FAM53B: variants seen among roughly 807,000 people sequenced by gnomAD.
The protein encoded by FAM53B is protein FAM53B.
FAM53B carries 12 observed loss-of-function variants against 32.7 expected under a neutral mutation model. That is an observed-to-expected ratio of 0.37 (90% confidence interval 0.24 to 0.59). FAM53B has a LOEUF of 0.59. FAM53B is among the 20% of genes least tolerant of loss of function. FAM53B has a pLI of 0.72. For synonymous variants in FAM53B, 234 were observed against 228.7 expected (o/e 1.02, Z -0.21); for missense variants, 477 against 577.7 (o/e 0.83, Z 1.79).
chr10:124,627,321 TC>T (rs1315023188), intron 4 of FAM53B, among the ~76,000 whole-genome samples: 1 of 151,790 alleles, frequency 6.6e-6, no homozygotes, highest in African/African-American at 2.4e-5. Context: ...CGCCCCAGAG[TC>T]TCCTAGCAGC....
intron 4 of FAM53B, among the ~76,000 whole-genome samples, chr10:124,675,280 A>G (rs1478832621): frequency 6.6e-6 from 1 of 152,206 alleles, no homozygotes; most frequent in African/African-American, 2.4e-5. Flanking sequence ...AGGGAGGGAA[A>G]GGAAGGAAGG....
intron 3 of FAM53B, among the ~76,000 whole-genome samples, chr10:124,683,388 C>T (rs4962683): frequency 0.27 from 40,940 of 152,108 alleles, 6,397 homozygotes; most frequent in South Asian, 0.38. Flanking sequence ...ACTATTTTCT[C>T]GAGCCTATAT....
intron 1 of FAM53B, among the ~76,000 whole-genome samples, chr10:124,726,619 T>A (rs945349841): frequency 2.0e-5 from 3 of 152,142 alleles, no homozygotes; most frequent in African/African-American, 7.2e-5. Flanking sequence ...GACTATGCGG[T>A]GAAATACGTG....
chr10:124,665,024 C>G (rs1290595780), intron 4 of FAM53B, among the ~76,000 whole-genome samples: 1 of 152,224 alleles, frequency 6.6e-6, no homozygotes, highest in Non-Finnish European at 1.5e-5. Context: ...AGGGAGAACC[C>G]ACCTGACTGG....
chr10:124,660,183 G>A (rs967390144), intron 4 of FAM53B, among the ~76,000 whole-genome samples: 11 of 152,148 alleles, frequency 7.2e-5, no homozygotes, highest in Admixed American at 2.0e-4. Flanking sequence ...TTTGGGTTTC[G>A]TTCCACCATA....
At chr10:124,704,733 T>C (rs1422755479) in intron 2 of FAM53B, among the ~76,000 whole-genome samples, 6 of 152,196 alleles carry the variant, frequency 3.9e-5, no homozygotes, top group Non-Finnish European at 7.4e-5. Flanking sequence ...GCTGGGTGTT[T>C]GCTAAGCATT....
chr10:124,623,907 T>C, intron 4 of FAM53B: 1 of 361,028 alleles, frequency 2.8e-6, no homozygotes, highest in South Asian at 5.9e-5. Flanking sequence ...GGAATGCTCC[T>C]AACACTTCGT....
At chr10:124,723,428 T>C (rs1950082235) in intron 1 of FAM53B, among the ~76,000 whole-genome samples, 1 of 152,190 alleles carries the variant, frequency 6.6e-6, no homozygotes, top group Non-Finnish European at 1.5e-5. Context: ...GCTCAAAAGT[T>C]TTCTGGGTTC....
At chr10:124,737,200 A>G (rs1950178124) in intron 1 of FAM53B, among the ~76,000 whole-genome samples, 1 of 152,200 alleles carries the variant, frequency 6.6e-6, no homozygotes, top group African/African-American at 2.4e-5. Context: ...CCTGAGAAAA[A>G]TAGCAATTCT....
chr10:124,707,773 G>A (rs1263097371), intron 1 of FAM53B: 2 of 152,122 alleles, frequency 1.3e-5, no homozygotes, highest in African/African-American at 4.8e-5. Flanking sequence ...ATACATTTCT[G>A]GTCCTTGGAA....
At chr10:124,677,123 A>G (rs924743908) in intron 4 of FAM53B, among the ~76,000 whole-genome samples, 1 of 152,290 alleles carries the variant, frequency 6.6e-6, no homozygotes, top group East Asian at 1.9e-4. Context: ...CAATGGGTGA[A>G]CTTTTTAATT....
chr10:124,714,340 C>G (rs982030121), intron 1 of FAM53B: 1 of 152,046 alleles, frequency 6.6e-6, no homozygotes, highest in South Asian at 2.1e-4. Context: ...CACGAATGTG[C>G]AGCTTCTATA....
At chr10:124,688,873 T>C (rs1949817088) in intron 3 of FAM53B, among the ~76,000 whole-genome samples, 1 of 152,210 alleles carries the variant, frequency 6.6e-6, no homozygotes, top group Non-Finnish European at 1.5e-5. Flanking sequence ...TAAACCTTCA[T>C]ATTTTCAAAA....
Position 124,705,864 on chromosome 10 carries a change from G to A in FAM53B, c.78+772C>T, listed in dbSNP as rs536402680. Among the ~76,000 whole-genome samples, 6 of 152,392 alleles carry A rather than the reference G, an allele frequency of 3.9e-5. No homozygotes were observed. In the South Asian group the frequency reaches 8.3e-4, roughly 21 times the overall value. ...TCACGAGGAGCCGTGAAGGGCGCCA[G>A]GAGGGGTCCTGGGCAAGGTGACCCT... is the stretch of plus-strand genomic sequence containing the variant. On this transcript the variant is annotated intron_variant, in intron 2 of 4. Coordinates refer to ENST00000337318, the MANE Select transcript of FAM53B (RefSeq NM_014661.4).
chr10:124,698,534 G>A (rs1949890851), intron 2 of FAM53B, among the ~76,000 whole-genome samples: 1 of 152,140 alleles, frequency 6.6e-6, no homozygotes, highest in Non-Finnish European at 1.5e-5. Flanking sequence ...AGGCAGCACT[G>A]GGCCAGCACA....
chr10:124,682,348 T>C lies in FAM53B; in HGVS notation c.165A>G (p.Lys55=), dbSNP rs1387042107. Residue 55 remains lysine (K), a synonymous_variant, in exon 4 of 5, where the codon AAA becomes AAG. Coordinates refer to ENST00000337318, the MANE Select transcript of FAM53B (RefSeq NM_014661.4). This position sits in a 1 kb window ranked among gnomAD's most constrained non-coding sequence, Gnocchi z 5.2. ...ENDRWRDLDR[K]CPLQIDQPST... The stretch of plus-strand genomic sequence containing the variant: ...TCGGTTGGTCAATCTGAAGAGGGCA[T>C]TTCCTGTCCAGGTCTCGCCATCTGT... 3.7e-6 allele frequency: 6 copies of C among 1,608,748 alleles called. No homozygotes were observed. In the African/African-American group the frequency reaches 6.7e-5, roughly 18 times the overall value.
intron 4 of FAM53B, 36 bp downstream of exon 4, chr10:124,681,571 A>G (rs768021139): frequency 2.0e-6 from 3 of 1,517,290 alleles, no homozygotes; most frequent in Admixed American, 4.1e-5. Context: ...GGCTCCAGTG[A>G]GCACCAAGGT....
chr10:124,728,161 G>A (rs143586343), intron 1 of FAM53B, among the ~76,000 whole-genome samples: 72 of 152,318 alleles, frequency 4.7e-4, no homozygotes, highest in Non-Finnish European at 8.5e-4. Flanking sequence ...TGGCTCACTC[G>A]GTGAGTTAGC....
intron 4 of FAM53B, among the ~76,000 whole-genome samples, chr10:124,648,973 G>A (rs1028162405): frequency 6.6e-6 from 1 of 152,244 alleles, no homozygotes; most frequent in Non-Finnish European, 1.5e-5. Flanking sequence ...GATGAGAGCT[G>A]TATCCTACTG....
Sources: gnomAD v4.1 joint callset for allele counts (sites outside exome capture counted in the v4.1 genomes callset) on GRCh38, gnomAD v4.1.1 for gene constraint, Gnocchi (gnomAD v3.1) non-coding constraint, MANE v1.5 for transcripts, NCBI Gene and HGNC (gene_info 2026-07-23, HGNC 2026-07-21) for gene names.